The following LEPR variants were observed in gnomAD, a reference collection of about 807,000 sequenced individuals.
LEPR encodes OB receptor.
Under a neutral mutation model 114.7 loss-of-function variants are expected in LEPR, and 56 were observed. That is an observed-to-expected ratio of 0.49 (90% CI 0.39 to 0.61). The LOEUF (loss-of-function observed/expected upper bound fraction) is 0.61. LEPR is among the 20% of genes least tolerant of loss of function. The probability of loss-of-function intolerance (pLI) is 0.00; values close to 1 mark genes in which losing one functional copy is unlikely to be tolerated. For synonymous variants in LEPR, 443 were observed against 461.4 expected, an observed-to-expected ratio of 0.96 and a Z score of 0.51; for missense variants, 1,202 against 1,352.9, an observed-to-expected ratio of 0.89 and a Z score of 1.75.
chr1:65,435,321 T>G, intron 2 of LEPR: 1 of 984,578 alleles, frequency 1.0e-6, no homozygotes, highest in Non-Finnish European at 1.2e-6. Context: ...CTTTATGTTC[T>G]CAGGGAAATG....
chr1:65,609,083 C>A (rs189742604), intron 12 of LEPR, among the ~76,000 whole-genome samples, 182 bp downstream of exon 12: 3 of 152,284 alleles, frequency 2.0e-5, no homozygotes, highest in African/African-American at 4.8e-5. Context: ...TTCCTGAAAT[C>A]CATCATTCCC....
chr1:65,434,389 T>A, intron 2 of LEPR: 1 of 985,416 alleles, frequency 1.0e-6, no homozygotes. Flanking sequence ...AAACTGAGAT[T>A]GCACTTCCAA....
At chr1:65,447,421 A>G (rs1646727048) in intron 2 of LEPR, among the ~76,000 whole-genome samples, 1 of 151,612 alleles carries the variant, frequency 6.6e-6, no homozygotes, top group African/African-American at 2.4e-5. Context: ...GATTTCTTTC[A>G]TTAGAGTTCT....
At chr1:65,421,015 A>G (rs1418037252) in intron 1 of LEPR, among the ~76,000 whole-genome samples, 1 of 152,006 alleles carries the variant, frequency 6.6e-6, no homozygotes, top group African/African-American at 2.4e-5. Context: ...CCTCGGCGAG[A>G]GCGGCGCCCT....
chr1:65,551,177 C>A (rs749625164), intron 2 of LEPR, among the ~76,000 whole-genome samples: 7 of 151,950 alleles, frequency 4.6e-5, no homozygotes, highest in Non-Finnish European at 1.0e-4. Context: ...CTGAAATTTT[C>A]TTTTTTTGTT....
intron 2 of LEPR, among the ~76,000 whole-genome samples, chr1:65,536,393 C>T (rs143685969): frequency 3.3e-5 from 5 of 152,178 alleles, no homozygotes; most frequent in African/African-American, 9.6e-5. Flanking sequence ...CTTCTTGTAT[C>T]GCCTGTGGAA....
chr1:65,618,417 C>T (rs1049546973), intron 16 of LEPR, among the ~76,000 whole-genome samples: 2 of 152,062 alleles, frequency 1.3e-5, no homozygotes, highest in Non-Finnish European at 2.9e-5. Context: ...CCTCAACCTT[C>T]TGGGCTCAAG....
intron 2 of LEPR, among the ~76,000 whole-genome samples, chr1:65,487,963 C>G (rs1459992871): frequency 7.3e-6 from 1 of 136,204 alleles, no homozygotes. Flanking sequence ...CTTTCTTTCT[C>G]TCTTTCTTTC....
At chr1:65,550,124 C>G (rs1000049870) in intron 2 of LEPR, among the ~76,000 whole-genome samples, 1 of 152,268 alleles carries the variant, frequency 6.6e-6, no homozygotes, top group South Asian at 2.1e-4. Context: ...TCTGCAGAAC[C>G]GCGGATTTTC....
At chr1:65,465,869 A>G (rs900645157) in intron 2 of LEPR, among the ~76,000 whole-genome samples, 3 of 151,444 alleles carry the variant, frequency 2.0e-5, no homozygotes, top group Non-Finnish European at 4.4e-5. Context: ...TTTGCTTTCC[A>G]TTTGCTTGGT....
chr1:65,603,544 C>T (rs1013327708), intron 10 of LEPR, among the ~76,000 whole-genome samples: 2 of 152,154 alleles, frequency 1.3e-5, no homozygotes, highest in Admixed American at 6.5e-5. Context: ...AACATTGGCC[C>T]AAGAGGTTAT....
chr1:65,488,048 C>T (rs562089154), intron 2 of LEPR, among the ~76,000 whole-genome samples: 1 of 141,012 alleles, frequency 7.1e-6, no homozygotes, highest in African/African-American at 2.6e-5. Context: ...TTCTTTCTTT[C>T]CTCTTTCTTT....
chr1:65,571,682 G>A (rs547764937), intron 4 of LEPR, among the ~76,000 whole-genome samples: 1 of 147,398 alleles, frequency 6.8e-6, no homozygotes, highest in African/African-American at 2.5e-5. Context: ...GCTGGGCACA[G>A]TGGCTTAACT....
At chr1:65,488,226 C>CTCTTTCTT (rs71577203) in intron 2 of LEPR, among the ~76,000 whole-genome samples, 29 of 67,950 alleles carry the variant, frequency 4.3e-4, no homozygotes, top group Middle Eastern at 0.011. Flanking sequence ...CTCTCTCTCT[C>CTCTTTCTT]TCTTTCTTTC....
chr1:65,611,807 A>G (rs990297382), intron 14 of LEPR, among the ~76,000 whole-genome samples: 1 of 152,224 alleles, frequency 6.6e-6, no homozygotes, highest in Admixed American at 6.5e-5. Context: ...GTTATTAAGC[A>G]CTTGAAATGT....
At chr1:65,540,473 C>T (rs149808017) in intron 2 of LEPR, among the ~76,000 whole-genome samples, 2 of 152,012 alleles carry the variant, frequency 1.3e-5, no homozygotes, top group Non-Finnish European at 2.9e-5. Flanking sequence ...GTTAAAGGAG[C>T]CTGGCATCTT....
chr1:65,472,613 T>TACAC (rs201774318), intron 2 of LEPR, among the ~76,000 whole-genome samples: 24 of 93,562 alleles, frequency 2.6e-4, no homozygotes, highest in Non-Finnish European at 4.4e-4. Flanking sequence ...TGTATATATA[T>TACAC]AGACACACAC....
chr1:65,596,771 A>G (rs1366520491), intron 7 of LEPR, among the ~76,000 whole-genome samples, 178 bp downstream of exon 7: 2 of 152,142 alleles, frequency 1.3e-5, no homozygotes, highest in Non-Finnish European at 2.9e-5. Flanking sequence ...ATGTATATAT[A>G]TGGCTATAGG....
intron 2 of LEPR, among the ~76,000 whole-genome samples, chr1:65,481,741 G>T (rs150404371): frequency 6.6e-6 from 1 of 150,934 alleles, no homozygotes; most frequent in East Asian, 2.0e-4. Flanking sequence ...TTTATTCCAG[G>T]TATGTAAATA....
Sources: gnomAD v4.1 joint callset for allele counts (sites outside exome capture counted in the v4.1 genomes callset) on GRCh38, gnomAD v4.1.1 for gene constraint, MANE v1.5 for transcripts, NCBI Gene and HGNC (gene_info 2026-07-23, HGNC 2026-07-21) for gene names.